MAP2K2: variants seen among roughly 807,000 people sequenced by gnomAD.
The protein encoded by MAP2K2 is dual specificity mitogen-activated protein kinase kinase 2.
In MAP2K2, 24 loss-of-function variants were observed where a neutral mutation model predicts 43.7. The observed-to-expected ratio is 0.55, with a 90% CI of 0.40 to 0.77. The LOEUF (loss-of-function observed/expected upper bound fraction) is 0.77, where lower values mean the gene tolerates loss of function less well. Among genes scored for constraint, MAP2K2 ranks in the 30% least tolerant of loss-of-function variants. The probability of loss-of-function intolerance (pLI) is 0.00; values close to 1 mark genes in which losing one functional copy is unlikely to be tolerated. For synonymous variants in MAP2K2, 244 were observed against 239.7 expected, an observed-to-expected ratio of 1.02 and a Z score of -0.17; for missense variants, 470 against 566.8, an observed-to-expected ratio of 0.83 and a Z score of 1.73.
At chr19:4,113,498 T>G (rs1446616338) in intron 2 of MAP2K2, among the ~76,000 whole-genome samples, 1 of 151,994 alleles carries the variant, frequency 6.6e-6, no homozygotes, top group Non-Finnish European at 1.5e-5. Flanking sequence ...GGGATGGGTG[T>G]ACTGCCCCAC....
In MAP2K2 at chr19:4,102,330, G is replaced by A. The variant is rs377101954; in HGVS notation, c.528+46C>T. On this transcript the variant is annotated intron_variant, in intron 4 of 10. Transcript: ENST00000262948. Reference sequence around the variant, plus strand: ...AACCCTGGCCGTGTGGAAGAGGTCCGTGCAGAGTGCGGTGGGGGCGCGATG... The same window carrying A: ...AACCCTGGCCGTGTGGAAGAGGTCCATGCAGAGTGCGGTGGGGGCGCGATG... The A allele has an allele frequency of 7.3e-4, 1,082 of 1,489,164 alleles. 3 individuals are homozygous for A. Among genetic ancestry groups the A allele is most frequent in the Non-Finnish European group, 8.9e-4 (969 of 1,093,718 alleles). The allele number at this position is 1,489,164 out of a possible 1,614,324, so 92.2% of individuals were successfully genotyped here.
chr19:4,112,745 C>T (rs1238692451), intron 2 of MAP2K2, among the ~76,000 whole-genome samples: 1 of 152,156 alleles, frequency 6.6e-6, no homozygotes. Context: ...GACGGTGGCC[C>T]CTGGGCTACT....
In MAP2K2 at chr19:4,101,941, C is replaced by T. The variant is rs758310325; in HGVS notation, c.528+435G>A. On this transcript the variant is annotated intron_variant, in intron 4 of 10. Transcript: ENST00000262948. This position sits in a 1 kb window ranked among gnomAD's most constrained non-coding sequence, Gnocchi z 6.3. ...CACACGGCTCTACGGAGCAGCTGTG[C>T]TGGAGACCGGGCAGCAGAGACGCCC... Among the ~76,000 whole-genome samples the T allele has an allele frequency of 5.9e-5, 9 of 152,188 alleles. No homozygotes were observed. Among genetic ancestry groups the T allele is most frequent in the Admixed American group, 1.3e-4 (2 of 15,276 alleles).
chr19:4,092,481 C>G (rs1014682892), intron 10 of MAP2K2, among the ~76,000 whole-genome samples: 1 of 151,720 alleles, frequency 6.6e-6, no homozygotes, highest in Non-Finnish European at 1.5e-5. Flanking sequence ...CCCAGCTACT[C>G]GAGAGGCTGA....
chr19:4,115,395 C>T lies in MAP2K2; in HGVS notation c.303+2024G>A, dbSNP rs141415469. Among the ~76,000 whole-genome samples the T allele has an allele frequency of 1.5e-3, 232 of 152,306 alleles. 1 individual carries two copies. In the South Asian group the frequency reaches 0.021, roughly 13 times the overall value. ...CAAGCATTGGGTTCATGTCCACTGC[C>T]CAGCCCATCAGGGACCACTGGAGGC... On this transcript the variant is annotated intron_variant, in intron 2 of 10. Coordinates refer to ENST00000262948, the MANE Select transcript of MAP2K2 (RefSeq NM_030662.4). The surrounding 1 kb of genome is among the most constrained non-coding windows in gnomAD (Gnocchi z 4.1).
At chr19:4,104,112 A>C (rs1160998337) in intron 3 of MAP2K2, among the ~76,000 whole-genome samples, 1 of 151,804 alleles carries the variant, frequency 6.6e-6, no homozygotes, top group African/African-American at 2.4e-5. Flanking sequence ...AAAAATAAAA[A>C]AAATTAGCTG....
At chr19:4,102,533 A>AG (rs2041029532) in intron 3 of MAP2K2, 80 bp from the exon 4 acceptor site, 1 of 1,140,680 alleles carries the variant, frequency 8.8e-7, no homozygotes, top group Non-Finnish European at 1.3e-6. Context: ...ACTCCCGGCG[A>AG]GGGGGTGGTC....
intron 1 of MAP2K2, among the ~76,000 whole-genome samples, chr19:4,123,122 A>G (rs1482612149): frequency 2.0e-5 from 3 of 149,866 alleles, no homozygotes; most frequent in Non-Finnish European, 4.4e-5. Context: ...TCCTCTTAGG[A>G]ACTCTTCACC....
At position 4,110,568 on chromosome 19, in the gene MAP2K2, C is replaced by T. The variant is rs397517413; in HGVS notation, c.391G>A (p.Val131Met). The change falls in exon 3 of 11, where the codon GTG (valine) becomes ATG (methionine). Residue 131 changes from valine to methionine, a missense_variant. Coordinates refer to ENST00000262948, the MANE Select transcript of MAP2K2 (RefSeq NM_030662.4). The part of the protein sequence containing the change: ...VLHECNSPYI[V>M]GFYGAFYSDG... ...CTGTAGAAGGCCCCGTAGAAGCCCA[C>T]GATGTACGGCGAGTTGCATTCGTGC... The T allele has an allele frequency of 6.2e-6, 10 of 1,613,872 alleles. No individual in the cohort carries two copies. Among genetic ancestry groups the T allele is most frequent in the Non-Finnish European group, 7.6e-6 (9 of 1,180,032 alleles).
chr19:4,104,969 G>A (rs1418248881), intron 3 of MAP2K2, among the ~76,000 whole-genome samples: 1 of 152,202 alleles, frequency 6.6e-6, no homozygotes, highest in East Asian at 1.9e-4. Context: ...CCCAGACAGT[G>A]CCAGGTGTCT....
rs1455644031 is a variant in MAP2K2 at position 4,090,529 on chromosome 19, C to T, written c.*69G>A. The T allele has an allele frequency of 1.9e-5, 26 of 1,347,288 alleles. No individual in the cohort carries two copies. Among genetic ancestry groups the T allele is most frequent in the Non-Finnish European group, 2.7e-5 (26 of 964,220 alleles). 83.5% of individuals were successfully genotyped at this position (1,347,288 alleles called of 1,614,324 possible). A position where few individuals can be genotyped will look rare whatever the true frequency, so the allele number is the denominator to read the frequency against. On this transcript the variant is annotated 3_prime_UTR_variant, in exon 11 of 11. Transcript: ENST00000262948. ...GGTGGAGGCGCCAGCCTGTCCTCAG[C>T]TGGAAGGGCGGGGCATGGACAGGGA...
chr19:4,100,731 T>A (rs1212593758), intron 6 of MAP2K2: 1 of 530,898 alleles, frequency 1.9e-6, no homozygotes, highest in African/African-American at 1.9e-5. Flanking sequence ...GCACCAGCTT[T>A]AGACGTGCCT....
At chr19:4,103,132 G>A (rs529422451) in intron 3 of MAP2K2, 67 of 993,710 alleles carry the variant, frequency 6.7e-5, no homozygotes, top group Middle Eastern at 5.2e-4. Context: ...TCCCAGTGAC[G>A]CCAGCCCAGG....
chr19:4,096,432 CCCGGCCTGGTCACGTGGCCAACAGG>C (rs2040918556), intron 8 of MAP2K2, among the ~76,000 whole-genome samples: 1 of 152,230 alleles, frequency 6.6e-6, no homozygotes, highest in Non-Finnish European at 1.5e-5. Context: ...AGGGAGGTGG[CCCGGCCTGGTCACGTGGCCAACAGG>C]ACCTTGGGGT....
rs993885844 is a variant in MAP2K2, at chr19:4,115,203, C to A, written c.303+2216G>T. Among the ~76,000 whole-genome samples the A allele has an allele frequency of 3.0e-4, 46 of 152,294 alleles. No homozygotes were observed. The highest frequency in any genetic ancestry group is 1.1e-3 in the African/African-American group (45 of 41,566). ...CATGACGGAAGGACAGTACTGACAC[C>A]CAGAGCTGATGCTGGGACATCTCCA... is the stretch of plus-strand genomic sequence containing the variant. On this transcript the variant is annotated intron_variant, in intron 2 of 10. Transcript: ENST00000262948. The surrounding 1 kb of genome is among the most constrained non-coding windows in gnomAD (Gnocchi z 4.1).
intron 2 of MAP2K2, among the ~76,000 whole-genome samples, chr19:4,112,518 G>A (rs959025648): frequency 3.9e-5 from 6 of 152,312 alleles, no homozygotes; most frequent in South Asian, 4.1e-4. Flanking sequence ...AGCACAGGGC[G>A]TGTGTGGGGA....
intron 2 of MAP2K2, among the ~76,000 whole-genome samples, chr19:4,114,397 G>T (rs1486833116): frequency 6.6e-6 from 1 of 152,208 alleles, no homozygotes; most frequent in Admixed American, 6.5e-5. Context: ...CTGGTACTGT[G>T]AGGTGGCCTT....
At position 4,099,434 on chromosome 19, in the gene MAP2K2, G is replaced by T; in HGVS notation, c.706-20C>A. The T allele has an allele frequency of 1.3e-6, 2 of 1,581,648 alleles. No individual in the cohort carries two copies. Among genetic ancestry groups the T allele is most frequent in the Admixed American group, 1.8e-5 (1 of 55,156 alleles). On this transcript the variant is annotated intron_variant, in intron 6 of 10. Transcript: ENST00000262948. ...CTCCGGCTGCAGCAGAGCCAGGGAGGAAAGAGCCCAGAGGGGCGAGGATGG... is the reference window on the plus strand; with the variant it reads ...CTCCGGCTGCAGCAGAGCCAGGGAGTAAAGAGCCCAGAGGGGCGAGGATGG...
chr19:4,095,162 C>T, intron 9 of MAP2K2: 2 of 542,982 alleles, frequency 3.7e-6, no homozygotes, highest in Non-Finnish European at 6.7e-6. Context: ...ACAGGGCCTG[C>T]AATCCTGCTT....
Sources: allele counts gnomAD v4.1 joint callset (sites outside exome capture counted in the v4.1 genomes callset), GRCh38; gene constraint gnomAD v4.1.1; non-coding constraint Gnocchi (gnomAD v3.1); transcripts MANE v1.5; gene names NCBI Gene and HGNC (gene_info 2026-07-23, HGNC 2026-07-21).